The following PDZRN3 variants were observed in gnomAD, a reference collection of about 807,000 sequenced individuals.
PDZRN3 encodes PDZ domain containing ring finger 3, also known as E3 ubiquitin-protein ligase PDZRN3.
Under a neutral mutation model 85.7 loss-of-function variants are expected in PDZRN3, and 38 were observed. The observed-to-expected ratio is 0.44, with a 90% CI of 0.34 to 0.58. The LOEUF (loss-of-function observed/expected upper bound fraction) is 0.58, where lower values mean the gene tolerates loss of function less well. Among genes scored for constraint, PDZRN3 ranks in the 20% least tolerant of loss-of-function variants. The pLI is 0.01. For synonymous variants in PDZRN3, 759 were observed against 638.0 expected, an observed-to-expected ratio of 1.19 and a Z score of -2.86; for missense variants, 1,629 against 1,506.4, an observed-to-expected ratio of 1.08 and a Z score of -1.35.
chr3:73,433,773 A>G, intron 3 of PDZRN3: 3 of 1,531,404 alleles, frequency 2.0e-6, no homozygotes, highest in Non-Finnish European at 2.6e-6. Flanking sequence ...GCTCCCTTAC[A>G]GTGCAGGCAT....
At chr3:73,415,897 AT>A (rs569834085) in intron 3 of PDZRN3, among the ~76,000 whole-genome samples, 2 of 145,670 alleles carry the variant, frequency 1.4e-5, no homozygotes, top group East Asian at 2.0e-4. Context: ...ACCTTTTTTC[AT>A]TTTTTTAGTA....
intron 3 of PDZRN3, among the ~76,000 whole-genome samples, chr3:73,527,988 C>T (rs1704564639): frequency 6.6e-6 from 1 of 152,280 alleles, no homozygotes; most frequent in African/African-American, 2.4e-5. Context: ...CTGGCATAGC[C>T]AAAAGCCCAC....
chr3:73,535,053 G>C (rs1575717522), intron 3 of PDZRN3, among the ~76,000 whole-genome samples: 1 of 151,938 alleles, frequency 6.6e-6, no homozygotes, highest in South Asian at 2.1e-4. Flanking sequence ...GCCCCTTCTC[G>C]GGGGTTAAGG....
At chr3:73,534,715 C>G (rs1704735518) in intron 3 of PDZRN3, among the ~76,000 whole-genome samples, 1 of 152,196 alleles carries the variant, frequency 6.6e-6, no homozygotes, top group Non-Finnish European at 1.5e-5. Flanking sequence ...CACAGATTTC[C>G]TATTCTTCTC....
In PDZRN3 at chr3:73,617,899, T is replaced by G. The variant is rs568248197; in HGVS notation, c.723+6204A>C. Among the ~76,000 whole-genome samples, 11 of 152,220 alleles carry G rather than the reference T, an allele frequency of 7.2e-5. No individual in the cohort carries two copies. In the South Asian group the frequency reaches 2.3e-3, roughly 32 times the overall value. On this transcript the variant is annotated intron_variant, in intron 1 of 9. Coordinates refer to ENST00000263666, the MANE Select transcript of PDZRN3 (RefSeq NM_015009.3). The stretch of plus-strand genomic sequence containing the variant: ...TTTTGTATTTTTAGCAGAGACTGGG[T>G]TTCACCATGTTGGCCAGACTGATCT...
rs1378573908 is a variant in PDZRN3, at chr3:73,385,714, C to T, written c.1590G>A (p.Glu530=). 1.2e-6 allele frequency: 2 copies of T among 1,613,652 alleles called. No individual in the cohort carries two copies. Among genetic ancestry groups the T allele is most frequent in the Non-Finnish European group, 1.7e-6 (2 of 1,179,692 alleles). Residue 530 remains glutamate, a synonymous_variant, in exon 9 of 10, where the codon GAG becomes GAA. Coordinates refer to ENST00000263666, the MANE Select transcript of PDZRN3 (RefSeq NM_015009.3). ...LDDLHMDMLE[E]QHHQAMQFTA... The stretch of plus-strand genomic sequence containing the variant: ...TGAATTGCATGGCCTGGTGGTGCTG[C>T]TCCTCCAGCATGTCCATGTGCAGGT...
At chr3:73,408,569 G>A (rs1049825418) in intron 3 of PDZRN3, among the ~76,000 whole-genome samples, 3 of 150,726 alleles carry the variant, frequency 2.0e-5, no homozygotes, top group Non-Finnish European at 4.4e-5. Context: ...TTCAGCCCTC[G>A]AGTTGGGATT....
At chr3:73,518,164 T>C (rs534152532) in intron 3 of PDZRN3, among the ~76,000 whole-genome samples, 63 of 152,330 alleles carry the variant, frequency 4.1e-4, no homozygotes, top group African/African-American at 1.5e-3. Context: ...TGCCATATTA[T>C]TTAGCCTTAA....
At chr3:73,425,547 C>T (rs1179449016) in intron 3 of PDZRN3, among the ~76,000 whole-genome samples, 2 of 151,728 alleles carry the variant, frequency 1.3e-5, no homozygotes, top group East Asian at 3.9e-4. Flanking sequence ...AGGATTCCAT[C>T]CTTTACCAGT....
At chr3:73,520,053 G>A (rs1459663776) in intron 3 of PDZRN3, among the ~76,000 whole-genome samples, 1 of 152,176 alleles carries the variant, frequency 6.6e-6, no homozygotes, top group Non-Finnish European at 1.5e-5. Flanking sequence ...AAAGCAGGGG[G>A]GAACACAGAA....
chr3:73,521,733 T>C (rs1240712249), intron 3 of PDZRN3, among the ~76,000 whole-genome samples: 1 of 152,204 alleles, frequency 6.6e-6, no homozygotes, highest in East Asian at 1.9e-4. Flanking sequence ...CCTCTCCAAG[T>C]AGACTACAAA....
At chr3:73,408,131 G>T (rs1254826191) in intron 3 of PDZRN3, 1 of 703,406 alleles carries the variant, frequency 1.4e-6, no homozygotes, top group East Asian at 2.7e-5. Context: ...CCACAAGCCA[G>T]ATGACCTCCT....
chr3:73,573,832 T>C lies in PDZRN3; in HGVS notation c.918+28522A>G, dbSNP rs560185721. On this transcript the variant is annotated intron_variant, in intron 3 of 9. Transcript: ENST00000263666. ...ACACCTATACATATACATATACATA[T>C]ACATATACATATACATATACGGTCC... 1.7e-3 allele frequency among the ~76,000 whole-genome samples: 261 copies of C among 149,192 alleles called. 3 individuals are homozygous for C. The highest frequency in any genetic ancestry group is 3.6e-3 in the African/African-American group (142 of 39,136).
At chr3:73,540,226 G>C (rs951076313) in intron 3 of PDZRN3, among the ~76,000 whole-genome samples, 3 of 151,480 alleles carry the variant, frequency 2.0e-5, no homozygotes, top group Non-Finnish European at 2.9e-5. Context: ...TTTTATATGT[G>C]ATTTATCTGT....
At chr3:73,536,787 A>C (rs1479383712) in intron 3 of PDZRN3, among the ~76,000 whole-genome samples, 1 of 151,818 alleles carries the variant, frequency 6.6e-6, no homozygotes, top group Admixed American at 6.6e-5. Context: ...AGACACAAGA[A>C]AGGAAATGGA....
intron 3 of PDZRN3, among the ~76,000 whole-genome samples, chr3:73,437,530 G>A (rs899683552): frequency 2.0e-5 from 3 of 152,198 alleles, no homozygotes; most frequent in Admixed American, 2.0e-4. Context: ...CCTTACAAGG[G>A]TACTTTGGTG....
At chr3:73,600,337 A>ACACTCTCTTT (rs34405662) in intron 3 of PDZRN3, among the ~76,000 whole-genome samples, 1 of 100,052 alleles carries the variant, frequency 1.0e-5, no homozygotes, top group African/African-American at 4.3e-5. Flanking sequence ...ACACACACAC[A>ACACTCTCTTT]CTCTCTCTCT....
chr3:73,386,647 G>A (rs893567205), intron 8 of PDZRN3, among the ~76,000 whole-genome samples: 10 of 152,200 alleles, frequency 6.6e-5, no homozygotes, highest in South Asian at 6.2e-4. Flanking sequence ...ATGCTCATTC[G>A]CTGACATAAT....
chr3:73,607,396 C>A (rs73838587), intron 2 of PDZRN3, among the ~76,000 whole-genome samples: 2 of 152,106 alleles, frequency 1.3e-5, no homozygotes, highest in African/African-American at 2.4e-5. Flanking sequence ...CTCCAACGGC[C>A]CCTCCCCAGG....
Sources: gnomAD v4.1 joint callset for allele counts (sites outside exome capture counted in the v4.1 genomes callset) on GRCh38, gnomAD v4.1.1 for gene constraint, MANE v1.5 for transcripts, NCBI Gene and HGNC (gene_info 2026-07-23, HGNC 2026-07-21) for gene names.